Variants in HLA-DQA2 observed in about 807,000 individuals in gnomAD.
HLA-DQA2 encodes the protein major histocompatibility complex, class II, DQ alpha 2.
A neutral mutation model predicts 21.0 loss-of-function variants in HLA-DQA2; 17 were observed. That is an observed-to-expected ratio of 0.81 (90% CI 0.56 to 1.22). HLA-DQA2 has a LOEUF of 1.22. Among genes scored for constraint, HLA-DQA2 ranks in the 50% most tolerant of loss-of-function variants. The pLI is 0.00. For missense variants in HLA-DQA2, 239 were observed against 308.8 expected, an observed-to-expected ratio of 0.77 and a Z score of 1.69; for synonymous variants, 81 against 116.5, an observed-to-expected ratio of 0.70 and a Z score of 1.96.
chr6:32,744,697 T>G (rs1266961453), intron 1 of HLA-DQA2, among the ~76,000 whole-genome samples: 1 of 150,618 alleles, frequency 6.6e-6, no homozygotes, highest in Non-Finnish European at 1.5e-5. Context: ...AAGGAAACTC[T>G]GTGTAGAAAG....
chr6:32,745,475 TC>T, intron 2 of HLA-DQA2, 68 bp downstream of exon 2: 1 of 1,514,030 alleles, frequency 6.6e-7, no homozygotes, highest in Non-Finnish European at 9.1e-7. Flanking sequence ...ACTCCCTTCT[TC>T]TCAAGAGATT....
At position 32,741,471 on chromosome 6, in the gene HLA-DQA2, G is replaced by C. The variant is rs376884092; in HGVS notation, c.28G>C (p.Gly10Arg). ...GATCCTAAACAAAGCTCTGCTGCTG[G>C]GGGCCCTCGCCCTGACTGCCGTGAT... MILNKALLL[G>R]ALALTAVMSP... Residue 10 changes from glycine to arginine, a missense_variant, in exon 1 of 5, where the codon GGG (glycine) becomes CGG (arginine). Gly to Arg is a moderately radical substitution (Grantham distance 125). Coordinates refer to ENST00000374940, the MANE Select transcript of HLA-DQA2 (RefSeq NM_020056.5). The C allele has an allele frequency of 6.2e-7, 1 of 1,613,976 alleles. No individual in the cohort carries two copies. Among genetic ancestry groups the C allele is most frequent in the Non-Finnish European group, 8.5e-7 (1 of 1,180,036 alleles).
At chr6:32,745,553 T>C (rs1763518272) in intron 2 of HLA-DQA2, 146 bp downstream of exon 2, 3 of 961,292 alleles carry the variant, frequency 3.1e-6, no homozygotes, top group Non-Finnish European at 4.7e-6. Flanking sequence ...CATATTCCCA[T>C]GTAATACAAG....
chr6:32,742,530 G>A (rs9276407), intron 1 of HLA-DQA2, among the ~76,000 whole-genome samples: 27,210 of 145,788 alleles, frequency 0.19, 2,825 homozygotes, highest in African/African-American at 0.26. Flanking sequence ...ATGGGCAGTG[G>A]GTTTGTAAAA....
intron 4 of HLA-DQA2, 48 bp from the exon 5 acceptor site, chr6:32,746,534 C>T: frequency 8.9e-7 from 1 of 1,125,142 alleles, no homozygotes; most frequent in Non-Finnish European, 1.3e-6. Flanking sequence ...ATGATGATCA[C>T]ACAGGAGGCC....
intron 2 of HLA-DQA2, 113 bp from the exon 3 acceptor site, chr6:32,745,678 C>G (rs1763527036): frequency 5.1e-6 from 7 of 1,383,830 alleles, no homozygotes; most frequent in Non-Finnish European, 6.1e-6. Context: ...TAAATAAGAC[C>G]TCTTTGACTA....
chr6:32,745,121 T>C, intron 1 of HLA-DQA2, 38 bp from the exon 2 acceptor site: 1 of 1,595,936 alleles, frequency 6.3e-7, no homozygotes, highest in Non-Finnish European at 8.5e-7. Context: ...TCTTTCTCCC[T>C]GTGTTCCACC....
In HLA-DQA2 at chr6:32,741,535, T is replaced by C. The variant is rs1351332161; in HGVS notation, c.82+10T>C. ...GGTGAAGACATTGTGGGTGAGTACA[T>C]GAGTGAGGAATGTTCTCTGGAGCTG... On this transcript the variant is annotated intron_variant, in intron 1 of 4. Coordinates refer to ENST00000374940, the MANE Select transcript of HLA-DQA2 (RefSeq NM_020056.5). The C allele has an allele frequency of 2.5e-6, 4 of 1,611,328 alleles. No individual in the cohort carries two copies. Among genetic ancestry groups the C allele is most frequent in the Non-Finnish European group, 3.4e-6 (4 of 1,177,694 alleles).
intron 1 of HLA-DQA2, among the ~76,000 whole-genome samples, chr6:32,744,316 C>T (rs559892629): frequency 6.6e-6 from 1 of 152,172 alleles, no homozygotes; most frequent in Non-Finnish European, 1.5e-5. Flanking sequence ...CTGGCATCCT[C>T]GGATAAGCTC....
At position 32,745,328 on chromosome 6, in the gene HLA-DQA2, T is replaced by A; in HGVS notation, c.252T>A (p.Ser84Arg). 4.4e-6 allele frequency: 7 copies of A among 1,586,012 alleles called. No individual in the cohort carries two copies. The highest frequency in any genetic ancestry group is 6.0e-6 in the Non-Finnish European group (7 of 1,165,402). Residue 84 changes from serine to arginine, a missense_variant, in exon 2 of 5, where the codon AGT becomes AGA. Transcript: ENST00000374940. Reference protein sequence around the residue: ...FSKFISFDPQSALRNMAVGKH... With the variant: ...FSKFISFDPQRALRNMAVGKH... The stretch of plus-strand genomic sequence containing the variant: ...AATTTATAAGTTTTGACCCGCAGAG[T>A]GCACTGAGAAATATGGCTGTGGGAA...
intron 1 of HLA-DQA2, 144 bp downstream of exon 1, chr6:32,741,669 C>T (rs1329091994): frequency 1.3e-6 from 1 of 766,866 alleles, no homozygotes; most frequent in African/African-American, 1.8e-5. Context: ...GGCAGTTCCT[C>T]CTTTAGGAAA....
chr6:32,746,935 A>AACCTATG lies in HLA-DQA2; in HGVS notation c.*374_*375insACCTATG. 1 of 324,554 alleles carries AACCTATG rather than the reference A, an allele frequency of 3.1e-6. No homozygotes were observed. Among genetic ancestry groups the AACCTATG allele is most frequent in the Non-Finnish European group, 6.1e-6 (1 of 164,872 alleles). The allele number at this position is 324,554 out of a possible 1,614,324, so 20.1% of individuals were successfully genotyped here. On this transcript the variant is annotated 3_prime_UTR_variant, in exon 5 of 5. Coordinates refer to ENST00000374940, the MANE Select transcript of HLA-DQA2 (RefSeq NM_020056.5). ...CCATCTTTCATCTCAGGGCTGACTG[A>AACCTATG]GAGCATAACTTAGAATGGGCGACTC...
intron 1 of HLA-DQA2, among the ~76,000 whole-genome samples, chr6:32,743,086 C>T (rs1056397204): frequency 6.6e-6 from 1 of 150,688 alleles, no homozygotes; most frequent in Non-Finnish European, 1.5e-5. Context: ...AGGATGGTCT[C>T]GATCTCCTGA....
chr6:32,741,465 C>A lies in HLA-DQA2; in HGVS notation c.22C>A (p.Leu8Met), dbSNP rs114155046. Reference protein sequence around the residue: MILNKALLLGALALTAVM... With the variant: MILNKALMLGALALTAVM... ...GAAGATGATCCTAAACAAAGCTCTG[C>A]TGCTGGGGGCCCTCGCCCTGACTGC... is the stretch of plus-strand genomic sequence containing the variant. The change falls in exon 1 of 5, where the codon CTG (leucine) becomes ATG (methionine). Residue 8 changes from leucine (L) to methionine (M), a missense_variant. Transcript: ENST00000374940. 33,470 of 1,193,288 alleles carry A rather than the reference C, an allele frequency of 0.028. No homozygotes were observed. The highest frequency in any genetic ancestry group is 0.086 in the East Asian group (2,342 of 27,096). 73.9% of individuals were successfully genotyped at this position (1,193,288 alleles called of 1,614,324 possible). A position where few individuals can be genotyped will look rare whatever the true frequency, so the allele number is the denominator to read the frequency against.
intron 1 of HLA-DQA2, 50 bp from the exon 2 acceptor site, chr6:32,745,109 G>T: frequency 9.6e-6 from 15 of 1,569,248 alleles, no homozygotes; most frequent in Non-Finnish European, 1.3e-5. Context: ...CTGTATTAAG[G>T]TTCTTTCTCC....
chr6:32,745,282 G>C lies in HLA-DQA2; in HGVS notation c.206G>C (p.Trp69Ser). 1 of 1,613,892 alleles carries C rather than the reference G, an allele frequency of 6.2e-7. No homozygotes were observed. Among genetic ancestry groups the C allele is most frequent in the Non-Finnish European group, 8.5e-7 (1 of 1,179,978 alleles). The change falls in exon 2 of 5, where the codon TGG becomes TCG. Residue 69 changes from tryptophan (W) to serine (S), a missense_variant. Physicochemically the swap from Trp to Ser is radical, Grantham distance 177. Transcript: ENST00000374940. The stretch of plus-strand genomic sequence containing the variant: ...GACCTGGAGACGAAAGAGACTGTCT[G>C]GCAGTTGCCTATGTTTAGCAAATTT... ...YVDLETKETV[W>S]QLPMFSKFIS... is the part of the protein sequence containing the mutation.
At chr6:32,743,133 G>A (rs1325599234) in intron 1 of HLA-DQA2, among the ~76,000 whole-genome samples, 1 of 101,864 alleles carries the variant, frequency 9.8e-6, no homozygotes, top group Non-Finnish European at 2.2e-5. Flanking sequence ...CCAAAGTGCT[G>A]GGATTACAGG....
intron 1 of HLA-DQA2, 129 bp downstream of exon 1, chr6:32,741,654 A>T: frequency 2.3e-6 from 2 of 861,314 alleles, no homozygotes; most frequent in Non-Finnish European, 3.8e-6. Context: ...AAATTTTAAA[A>T]TTATGGCAGT....
chr6:32,742,757 C>A (rs28810210), intron 1 of HLA-DQA2, among the ~76,000 whole-genome samples: 8,791 of 152,018 alleles, frequency 0.058, 714 homozygotes, highest in African/African-American at 0.18. Flanking sequence ...CCATTAGGAA[C>A]AGTGTGGGCA....
Sources: allele counts gnomAD v4.1 joint callset (sites outside exome capture counted in the v4.1 genomes callset), GRCh38; gene constraint gnomAD v4.1.1; transcripts MANE v1.5; gene names NCBI Gene and HGNC (gene_info 2026-07-23, HGNC 2026-07-21).